CNTN4: variants seen among roughly 807,000 people sequenced by gnomAD.
CNTN4 encodes the protein contactin 4, also known as contactin-4.
Under a neutral mutation model 122.5 loss-of-function variants are expected in CNTN4, and 77 were observed. That is an observed-to-expected ratio of 0.63 (90% CI 0.52 to 0.76). CNTN4 has a LOEUF of 0.76. Among genes scored for constraint, CNTN4 ranks in the 30% least tolerant of loss-of-function variants. CNTN4 has a pLI of 0.00. For missense variants in CNTN4, 1,256 were observed against 1,259.1 expected, an observed-to-expected ratio of 1.00 and a Z score of 0.04; for synonymous variants, 512 against 447.0, an observed-to-expected ratio of 1.15 and a Z score of -1.83.
At chr3:2,573,149 T>G (rs2079501932) in intron 4 of CNTN4, among the ~76,000 whole-genome samples, 1 of 152,228 alleles carries the variant, frequency 6.6e-6, no homozygotes, top group South Asian at 2.1e-4. Context: ...GTATGGTCTT[T>G]TAGTTGTCTT....
At chr3:2,960,115 T>C (rs1054869225) in intron 13 of CNTN4, among the ~76,000 whole-genome samples, 4 of 152,204 alleles carry the variant, frequency 2.6e-5, no homozygotes, top group Admixed American at 2.6e-4. Context: ...AGGTGTGGGT[T>C]CTGAATTTTA....
intron 2 of CNTN4, among the ~76,000 whole-genome samples, chr3:2,108,000 G>GA: frequency 6.6e-6 from 1 of 152,190 alleles, no homozygotes; most frequent in East Asian, 1.9e-4. Context: ...AAATGGAGGT[G>GA]AAATCACATC....
chr3:2,967,662 A>G (rs1375366657), intron 13 of CNTN4, among the ~76,000 whole-genome samples: 3 of 152,128 alleles, frequency 2.0e-5, no homozygotes, highest in Middle Eastern at 3.2e-3. Flanking sequence ...CTCAGTTATA[A>G]TTTTGCAATG....
intron 3 of CNTN4, among the ~76,000 whole-genome samples, chr3:2,347,700 A>G (rs1299499791): frequency 1.3e-5 from 2 of 151,610 alleles, no homozygotes; most frequent in Non-Finnish European, 2.9e-5. Flanking sequence ...GTGAGCCACC[A>G]TGCCTGGCCA....
chr3:2,289,343 T>C (rs1421325530), intron 2 of CNTN4, among the ~76,000 whole-genome samples: 1 of 152,160 alleles, frequency 6.6e-6, no homozygotes, highest in African/African-American at 2.4e-5. Context: ...TCTCATTGCA[T>C]AGAGATATCC....
chr3:2,312,022 G>GT (rs995943770), intron 2 of CNTN4, among the ~76,000 whole-genome samples: 83 of 151,042 alleles, frequency 5.5e-4, no homozygotes, highest in African/African-American at 1.0e-3. Flanking sequence ...AAAAGTGAGA[G>GT]TTTTTTTTTG....
intron 13 of CNTN4, among the ~76,000 whole-genome samples, chr3:2,935,366 C>T (rs1392216855): frequency 1.3e-5 from 2 of 152,172 alleles, no homozygotes; most frequent in Non-Finnish European, 2.9e-5. Context: ...TGAAGTGTCT[C>T]ACATATTAAT....
intron 3 of CNTN4, among the ~76,000 whole-genome samples, chr3:2,424,214 C>T (rs139953014): frequency 4.6e-5 from 5 of 108,150 alleles, no homozygotes; most frequent in Admixed American, 2.0e-4. Context: ...ATCCCTCCCC[C>T]CTCCCTCCAC....
chr3:2,997,372 G>C (rs953528851), intron 14 of CNTN4, among the ~76,000 whole-genome samples: 4 of 152,188 alleles, frequency 2.6e-5, no homozygotes, highest in African/African-American at 7.2e-5. Flanking sequence ...GTGGTCCCAT[G>C]GGGGGAGCCA....
chr3:3,004,054 C>T (rs775357500), intron 14 of CNTN4, among the ~76,000 whole-genome samples: 16 of 152,020 alleles, frequency 1.1e-4, no homozygotes, highest in African/African-American at 3.6e-4. Context: ...GCCACCATGC[C>T]CGGCCTGAAG....
At chr3:2,837,061 G>A (rs966028115) in intron 7 of CNTN4, among the ~76,000 whole-genome samples, 2 of 152,092 alleles carry the variant, frequency 1.3e-5, no homozygotes, top group African/African-American at 2.4e-5. Context: ...TTCTACTTTT[G>A]TTATTTGTAA....
chr3:2,107,463 C>A lies in CNTN4; in HGVS notation c.-145+6824C>A, dbSNP rs112188707. Among the ~76,000 whole-genome samples the A allele has an allele frequency of 8.8e-3, 1,338 of 152,076 alleles. 12 individuals are homozygous for A. Among genetic ancestry groups the A allele is most frequent in the African/African-American group, 0.03 (1,249 of 41,484 alleles). On this transcript the variant is annotated intron_variant, in intron 2 of 24. Coordinates refer to ENST00000418658, the MANE Select transcript of CNTN4 (RefSeq NM_175607.3). ...AGTGAATGAGCAAAGGAGGAAAATC[C>A]CCTTATAAAACGATCAGATCTCGTG... is the stretch of plus-strand genomic sequence containing the variant.
intron 3 of CNTN4, among the ~76,000 whole-genome samples, chr3:2,358,229 G>C (rs1053539139): frequency 1.3e-5 from 2 of 152,050 alleles, no homozygotes; most frequent in Non-Finnish European, 2.9e-5. Context: ...GGAATGTTTT[G>C]GTAGTTTCTG....
chr3:2,294,618 G>A (rs568706167), intron 2 of CNTN4, among the ~76,000 whole-genome samples: 3 of 152,158 alleles, frequency 2.0e-5, no homozygotes, highest in Non-Finnish European at 4.4e-5. Flanking sequence ...GTGACAGTGA[G>A]ACCTGTTTCA....
At chr3:2,254,967 A>G (rs145324120) in intron 2 of CNTN4, among the ~76,000 whole-genome samples, 3,449 of 152,216 alleles carry the variant, frequency 0.023, 132 homozygotes, top group African/African-American at 0.078. Context: ...GCCCATGCCT[A>G]TGTCCTAAAT....
At chr3:2,991,981 C>T (rs1294746415) in intron 14 of CNTN4, among the ~76,000 whole-genome samples, 1 of 152,196 alleles carries the variant, frequency 6.6e-6, no homozygotes, top group South Asian at 2.1e-4. Flanking sequence ...TCTTTTCTAA[C>T]CTTTTTACAA....
intron 3 of CNTN4, among the ~76,000 whole-genome samples, chr3:2,468,757 G>A (rs2075590286): frequency 6.6e-6 from 1 of 151,548 alleles, no homozygotes; most frequent in Non-Finnish European, 1.5e-5. Flanking sequence ...TAGTTCTCAT[G>A]CATCTCAAGG....
intron 2 of CNTN4, among the ~76,000 whole-genome samples, chr3:2,235,934 C>T (rs2039665859): frequency 6.6e-6 from 1 of 152,030 alleles, no homozygotes; most frequent in Admixed American, 6.6e-5. Flanking sequence ...GGAAAGATTT[C>T]AGTAAACTAG....
At chr3:2,943,612 T>TTATATATATATATATAAATATATTTA (rs2094639077) in intron 13 of CNTN4, among the ~76,000 whole-genome samples, 3 of 124,178 alleles carry the variant, frequency 2.4e-5, no homozygotes, top group African/African-American at 8.9e-5. Flanking sequence ...ATAAATATAT[T>TTATATATATATATATAAATATATTTA]TATATATATA....
Sources: allele counts gnomAD v4.1 joint callset (sites outside exome capture counted in the v4.1 genomes callset), GRCh38; gene constraint gnomAD v4.1.1; transcripts MANE v1.5; gene names NCBI Gene and HGNC (gene_info 2026-07-23, HGNC 2026-07-21).